GRK3: variants seen among roughly 807,000 people sequenced by gnomAD.
GRK3 encodes the protein adrenergic, beta, receptor kinase 2.
Under a neutral mutation model 95.7 loss-of-function variants are expected in GRK3, and 54 were observed. That is an observed-to-expected ratio of 0.56 (90% CI 0.45 to 0.71). GRK3 has a LOEUF of 0.71. Ranked by LOEUF, GRK3 falls within the 30% of genes least tolerant of loss-of-function variation. The pLI, the probability that GRK3 is intolerant of heterozygous loss-of-function variation, is 0.00. For synonymous variants in GRK3, 281 were observed against 290.8 expected (o/e 0.97, Z 0.34); for missense variants, 649 against 851.2 (o/e 0.76, Z 2.96).
chr22:25,691,918 G>T (rs2085167630), intron 12 of GRK3, among the ~76,000 whole-genome samples: 1 of 152,152 alleles, frequency 6.6e-6, no homozygotes. Flanking sequence ...TTTAAATAAT[G>T]ATCAGGAGGC....
At chr22:25,708,754 C>T (rs775159427) in intron 15 of GRK3, among the ~76,000 whole-genome samples, 3 of 151,850 alleles carry the variant, frequency 2.0e-5, no homozygotes, top group African/African-American at 4.8e-5. Context: ...CTCCACCTCC[C>T]GGGTTCAAGC....
chr22:25,684,934 C>A (rs2085101185), intron 9 of GRK3, among the ~76,000 whole-genome samples: 1 of 152,126 alleles, frequency 6.6e-6, no homozygotes, highest in Non-Finnish European at 1.5e-5. Flanking sequence ...TGAAGGTTCT[C>A]ACCACAAAGA....
At chr22:25,668,516 C>G (rs1255474869) in intron 6 of GRK3, among the ~76,000 whole-genome samples, 4 of 152,190 alleles carry the variant, frequency 2.6e-5, no homozygotes, top group African/African-American at 9.7e-5. Flanking sequence ...CACATATTCA[C>G]AGAACTAAAG....
chr22:25,722,037 G>A (rs2085436448), intron 20 of GRK3, among the ~76,000 whole-genome samples: 1 of 152,174 alleles, frequency 6.6e-6, no homozygotes, highest in Non-Finnish European at 1.5e-5. Context: ...ACAAATTAAA[G>A]GCAGTGATTC....
chr22:25,671,479 T>C (rs1037008072), intron 6 of GRK3, among the ~76,000 whole-genome samples: 1 of 152,222 alleles, frequency 6.6e-6, no homozygotes, highest in African/African-American at 2.4e-5. Flanking sequence ...CATCAAGCAG[T>C]TGAGTGAATT....
At chr22:25,625,117 C>T (rs1434395699) in intron 2 of GRK3, among the ~76,000 whole-genome samples, 2 of 151,986 alleles carry the variant, frequency 1.3e-5, no homozygotes, top group Non-Finnish European at 2.9e-5. Context: ...GGGGTTTCAC[C>T]GTGTTAGCTG....
Position 25,718,345 on chromosome 22 carries a change from A to T in GRK3, c.1755A>T (p.Pro585=). The T allele has an allele frequency of 6.2e-7, 1 of 1,614,146 alleles. No individual in the cohort carries two copies. Among genetic ancestry groups the T allele is most frequent in the Non-Finnish European group, 8.5e-7 (1 of 1,180,020 alleles). Residue 585 remains proline (P), a synonymous_variant, in exon 19 of 21, where the codon CCA becomes CCT. Transcript: ENST00000324198. The part of the protein sequence containing the change: ...QWQRRYFYLF[P]NRLEWRGEGE... ...AGCGTCGCTATTTTTACCTCTTTCC[A>T]AATAGACTTGAATGGAGAGGAGAGG...
chr22:25,642,908 C>T (rs924962242), intron 2 of GRK3, among the ~76,000 whole-genome samples: 2 of 152,080 alleles, frequency 1.3e-5, no homozygotes, highest in African/African-American at 2.4e-5. Flanking sequence ...TACAGCATTC[C>T]GTTAGATAGA....
intron 1 of GRK3, among the ~76,000 whole-genome samples, chr22:25,588,599 G>A (rs964070113): frequency 2.0e-5 from 3 of 152,112 alleles, no homozygotes; most frequent in Admixed American, 6.5e-5. Flanking sequence ...TCTGTTTTGC[G>A]TGCTTGATGA....
chr22:25,568,312 T>C (rs1489048625), intron 1 of GRK3, among the ~76,000 whole-genome samples: 1 of 151,418 alleles, frequency 6.6e-6, no homozygotes, highest in Non-Finnish European at 1.5e-5. Context: ...CTGTTACTCT[T>C]TTTTTTTTAA....
At chr22:25,688,104 C>T (rs952344678) in intron 11 of GRK3, among the ~76,000 whole-genome samples, 3 of 151,930 alleles carry the variant, frequency 2.0e-5, no homozygotes, top group Admixed American at 6.6e-5. Flanking sequence ...GGCGTGGTGG[C>T]AGGTGCCTGT....
intron 1 of GRK3, among the ~76,000 whole-genome samples, chr22:25,592,809 C>G (rs1342925278): frequency 2.0e-5 from 3 of 151,198 alleles, no homozygotes; most frequent in Non-Finnish European, 4.4e-5. Context: ...TCCCTCCCTC[C>G]CCCGCCATTC....
chr22:25,677,587 A>G (rs2085041851), intron 8 of GRK3, among the ~76,000 whole-genome samples: 1 of 152,168 alleles, frequency 6.6e-6, no homozygotes. Context: ...GATTTGTTGT[A>G]AGAACTCGTA....
At chr22:25,699,285 G>A (rs747282455) in intron 13 of GRK3, among the ~76,000 whole-genome samples, 18 of 152,070 alleles carry the variant, frequency 1.2e-4, no homozygotes, top group South Asian at 4.1e-4. Flanking sequence ...TCAGGCACAC[G>A]GGGCCTAAGA....
intron 1 of GRK3, among the ~76,000 whole-genome samples, chr22:25,574,747 T>C (rs1931830588): frequency 6.6e-6 from 1 of 152,232 alleles, no homozygotes; most frequent in Admixed American, 6.5e-5. Context: ...TCCTACCTTT[T>C]TCAAGTGAAT....
chr22:25,608,102 C>G (rs974082408), intron 2 of GRK3, among the ~76,000 whole-genome samples: 1 of 152,170 alleles, frequency 6.6e-6, no homozygotes, highest in Non-Finnish European at 1.5e-5. Context: ...TTCTCATTGA[C>G]AATCATTGTC....
intron 2 of GRK3, among the ~76,000 whole-genome samples, chr22:25,619,769 A>C (rs141983058): frequency 9.5e-5 from 14 of 147,422 alleles, no homozygotes; most frequent in Non-Finnish European, 1.9e-4. Context: ...TGGGATTATG[A>C]GCCACTGAGC....
chr22:25,618,110 C>T (rs1467048971), intron 2 of GRK3, among the ~76,000 whole-genome samples: 7 of 152,148 alleles, frequency 4.6e-5, no homozygotes, highest in African/African-American at 7.2e-5. Context: ...TATTATTTTA[C>T]GTGCATTTAA....
rs527468820 is a variant in GRK3 at position 25,604,591 on chromosome 22, T to C, written c.190+138T>C. ...TGGGAATAAAGGAAATTTCATGTAA[T>C]TAATAAGGTATTTAATGATGACTTA... is the stretch of plus-strand genomic sequence containing the variant. On this transcript the variant is annotated intron_variant, in intron 2 of 20. Coordinates refer to ENST00000324198, the MANE Select transcript of GRK3 (RefSeq NM_005160.4). 4.6e-5 allele frequency: 23 copies of C among 500,324 alleles called. No homozygotes were observed. In the East Asian group the frequency reaches 4.7e-4, roughly 10 times the overall value. The allele number at this position is 500,324 out of a possible 1,614,324, so 31.0% of individuals were successfully genotyped here. A position where few individuals can be genotyped will look rare whatever the true frequency, so the allele number is the denominator to read the frequency against.
Sources: gnomAD v4.1 joint callset for allele counts (sites outside exome capture counted in the v4.1 genomes callset) on GRCh38, gnomAD v4.1.1 for gene constraint, MANE v1.5 for transcripts, NCBI Gene and HGNC (gene_info 2026-07-23, HGNC 2026-07-21) for gene names.